The following OVCH1 variants were observed in gnomAD, a reference collection of about 807,000 sequenced individuals.
OVCH1 encodes ovochymase-1.
In OVCH1, 139 loss-of-function variants were observed where a neutral mutation model predicts 138.4. That is an observed-to-expected ratio of 1.00 (90% CI 0.87 to 1.16). The LOEUF is 1.16. Among genes scored for constraint, OVCH1 ranks in the 50% most tolerant of loss-of-function variants. OVCH1 has a pLI of 0.00. For synonymous variants in OVCH1, 453 were observed against 467.8 expected (o/e 0.97, Z 0.41); for missense variants, 1,367 against 1,357.9 (o/e 1.01, Z -0.11).
the OVCH1 span, among the ~76,000 whole-genome samples, chr12:29,402,841 T>C: frequency 6.6e-6 from 1 of 151,458 alleles, no homozygotes; most frequent in Non-Finnish European, 1.5e-5. Flanking sequence ...GAAAAGAGGT[T>C]GAAGGAAAGG....
At chr12:29,413,339 C>T (rs1302200855) in intron 3 of OVCH1, among the ~76,000 whole-genome samples, 1 of 152,128 alleles carries the variant, frequency 6.6e-6, no homozygotes, top group African/African-American at 2.4e-5. Flanking sequence ...CATCCATAAT[C>T]ATTTTTTAAA....
At chr12:29,444,606 C>T (rs1941566253) in intron 23 of OVCH1, among the ~76,000 whole-genome samples, 1 of 152,006 alleles carries the variant, frequency 6.6e-6, no homozygotes, top group Non-Finnish European at 1.5e-5. Flanking sequence ...AGAAAACTTT[C>T]ATATGATATA....
the OVCH1 span, among the ~76,000 whole-genome samples, chr12:29,404,832 C>T: frequency 6.6e-6 from 1 of 151,676 alleles, no homozygotes; most frequent in Non-Finnish European, 1.5e-5. Context: ...ACCAGTCTGG[C>T]CAACATAGGG....
At chr12:29,475,310 T>C (rs1942667322) in intron 13 of OVCH1, 121 bp from the exon 14 acceptor site, 1 of 714,502 alleles carries the variant, frequency 1.4e-6, no homozygotes, top group African/African-American at 1.9e-5. Flanking sequence ...TTGATTTGTA[T>C]GCACCCTTAC....
chr12:29,488,884 C>G (rs3825231), intron 6 of OVCH1, among the ~76,000 whole-genome samples: 61,170 of 151,516 alleles, frequency 0.4, 12,558 homozygotes, highest in East Asian at 0.55. Flanking sequence ...TAGAAAGCGG[C>G]ATAAGTGTAC....
downstream of OVCH1, among the ~76,000 whole-genome samples, chr12:29,408,818 C>T (rs1940916035): frequency 6.6e-6 from 1 of 151,830 alleles, no homozygotes; most frequent in Admixed American, 6.6e-5. Context: ...TGATGCTGGC[C>T]TCATAACATG....
chr12:29,463,413 G>A (rs1015211971), intron 18 of OVCH1, among the ~76,000 whole-genome samples: 1 of 152,124 alleles, frequency 6.6e-6, no homozygotes, highest in Non-Finnish European at 1.5e-5. Flanking sequence ...AGAAAGCAGA[G>A]CAAGCTTGGT....
chr12:29,489,929 T>A (rs1285603213), intron 5 of OVCH1, among the ~76,000 whole-genome samples, 158 bp from the exon 6 acceptor site: 1 of 152,234 alleles, frequency 6.6e-6, no homozygotes, highest in Non-Finnish European at 1.5e-5. Context: ...AAATCAGATA[T>A]GTGGCAGAGG....
At chr12:29,485,338 A>AG (rs1943060485) in intron 8 of OVCH1, among the ~76,000 whole-genome samples, 1 of 149,614 alleles carries the variant, frequency 6.7e-6, no homozygotes, top group African/African-American at 2.4e-5. Flanking sequence ...AAAAAAAAAA[A>AG]AAAGATGTCA....
chr12:29,409,784 G>GTTGA (rs1185444073), downstream of OVCH1, among the ~76,000 whole-genome samples: 1 of 152,166 alleles, frequency 6.6e-6, no homozygotes, highest in Non-Finnish European at 1.5e-5. Flanking sequence ...TGTATATTCT[G>GTTGA]TTGATTTGGG....
the OVCH1 span, among the ~76,000 whole-genome samples, chr12:29,406,301 TATTTA>T: frequency 3.3e-5 from 5 of 152,126 alleles, no homozygotes; most frequent in East Asian, 9.6e-4. Context: ...ACCTTTATTT[TATTTA>T]TTTATTTATT....
chr12:29,428,177 C>T (rs983998010), intron 27 of OVCH1, among the ~76,000 whole-genome samples: 7 of 152,146 alleles, frequency 4.6e-5, no homozygotes, highest in African/African-American at 7.2e-5. Flanking sequence ...CACTCTCCTC[C>T]CTCTCTTGGC....
chr12:29,456,362 T>C (rs1941951002), intron 19 of OVCH1, among the ~76,000 whole-genome samples: 1 of 152,194 alleles, frequency 6.6e-6, no homozygotes, highest in African/African-American at 2.4e-5. Context: ...ATTTAACTTA[T>C]AGTTAATTTT....
exon 16 of OVCH1, chr12:29,471,935 T>C (rs1942525266): frequency 6.2e-7 from 1 of 1,613,312 alleles, no homozygotes; most frequent in African/African-American, 1.3e-5. Context: ...CCTCCTGCGA[T>C]TCTTCTGGAA....
chr12:29,478,603 G>T (rs912728434), intron 9 of OVCH1, among the ~76,000 whole-genome samples: 1 of 152,070 alleles, frequency 6.6e-6, no homozygotes, highest in African/African-American at 2.4e-5. Flanking sequence ...CCTTCTAGAA[G>T]GGAAAAGTCT....
Position 29,482,135 on chromosome 12 carries a change from G to A in OVCH1, c.996-3227C>T, listed in dbSNP as rs150941199. ...TCCAATGGCTCTCTAGCTCCTTTAC[G>A]GTAAAATCCAAAGTTCTTTTCATGC... is the stretch of plus-strand genomic sequence containing the variant. On this transcript the variant is annotated intron_variant, in intron 8 of 27. Transcript: ENST00000318184. 5.3e-5 allele frequency among the ~76,000 whole-genome samples: 8 copies of A among 152,142 alleles called. No homozygotes were observed. The East Asian group carries it at 7.7e-4, about 15-fold the overall frequency.
intron 26 of OVCH1, among the ~76,000 whole-genome samples, chr12:29,436,754 T>C (rs1206455940): frequency 6.6e-6 from 1 of 152,196 alleles, no homozygotes; most frequent in Non-Finnish European, 1.5e-5. Context: ...GAGTTGTTTG[T>C]TCCTCCGGGT....
chr12:29,478,746 G>A, intron 9 of OVCH1, 89 bp downstream of exon 10: 7 of 906,672 alleles, frequency 7.7e-6, no homozygotes, highest in Non-Finnish European at 9.2e-6. Flanking sequence ...AGGCAGAGCA[G>A]CCAGAAATTT....
chr12:29,408,786 C>T (rs1233585608), downstream of OVCH1, among the ~76,000 whole-genome samples: 1 of 150,420 alleles, frequency 6.6e-6, no homozygotes, highest in African/African-American at 2.4e-5. Flanking sequence ...TGTTGTGTCT[C>T]TGCCAGGCTT....
Sources: gnomAD v4.1 joint callset for allele counts (sites outside exome capture counted in the v4.1 genomes callset) on GRCh38, gnomAD v4.1.1 for gene constraint, MANE v1.5 for transcripts, NCBI Gene and HGNC (gene_info 2026-07-23, HGNC 2026-07-21) for gene names.